The following SMURF1 variants were observed in gnomAD, a reference collection of about 807,000 sequenced individuals.
The protein encoded by SMURF1 is SMAD specific E3 ubiquitin protein ligase 1.
SMURF1 carries 44 observed loss-of-function variants against 98.0 expected under a neutral mutation model. The ratio of observed to expected loss-of-function variants is 0.45; its 90% CI spans 0.35 to 0.58. The LOEUF (loss-of-function observed/expected upper bound fraction) is 0.58. Ranked by LOEUF, SMURF1 falls within the 20% of genes least tolerant of loss-of-function variation. The pLI is 0.00. For missense variants in SMURF1, 687 were observed against 938.4 expected, an observed-to-expected ratio of 0.73 and a Z score of 3.50; for synonymous variants, 396 against 374.9, an observed-to-expected ratio of 1.06 and a Z score of -0.65.
chr7:99,143,842 CG>C lies in SMURF1; in HGVS notation c.-63del. 7.1e-7 allele frequency: 1 copy of C among 1,416,996 alleles called. No homozygotes were observed. The highest frequency in any genetic ancestry group is 9.3e-7 in the Non-Finnish European group (1 of 1,073,826). The allele number at this position is 1,416,996 out of a possible 1,614,324, so 87.8% of individuals were successfully genotyped here. On this transcript the variant is annotated 5_prime_UTR_variant, in exon 1 of 18. Transcript: ENST00000361368. ...CACCGCCCCCCAGCCCGGCCCGGCC[CG>C]GCCCCGCCGCCGCCGCCTCAAGGTT...
At chr7:99,086,143 C>T (rs1027934601) in intron 1 of SMURF1, among the ~76,000 whole-genome samples, 3 of 151,816 alleles carry the variant, frequency 2.0e-5, no homozygotes, top group Non-Finnish European at 2.9e-5. Flanking sequence ...GTTAGCAGTT[C>T]GAGACCAGCC....
intron 1 of SMURF1, among the ~76,000 whole-genome samples, chr7:99,143,461 C>A (rs1239879093): frequency 2.3e-5 from 3 of 132,528 alleles, no homozygotes; most frequent in African/African-American, 8.7e-5. Flanking sequence ...AGGGGCGGGG[C>A]CAGGACGGAG....
chr7:99,048,215 C>T (rs1006585676), intron 9 of SMURF1: 4 of 272,822 alleles, frequency 1.5e-5, no homozygotes, highest in African/African-American at 2.2e-5. Context: ...TGGTGAAACC[C>T]GGTCTCTACT....
rs1041452677 is a variant in SMURF1, at chr7:99,050,208, C to CA, written c.807-500dup. On this transcript the variant is annotated intron_variant, in intron 8 of 17. Coordinates refer to ENST00000361368, the MANE Select transcript of SMURF1 (RefSeq NM_181349.3). ...GGCAACAAGAGTGAAATTCCATCTC[C>CA]AAAAAAAAAAATAGGCAGTTTCAGA... The CA allele has an allele frequency of 3.0e-3, 439 of 143,984 alleles. 5 individuals are homozygous for CA. Among genetic ancestry groups the CA allele is most frequent in the East Asian group, 5.2e-3 (26 of 4,970 alleles). The allele number at this position is 143,984 out of a possible 1,614,324, so 8.9% of individuals were successfully genotyped here.
intron 8 of SMURF1, chr7:99,050,786 A>G: frequency 4.3e-6 from 3 of 692,146 alleles, no homozygotes; most frequent in Middle Eastern, 3.2e-4. Context: ...GAAACAAATC[A>G]TGAATAAAAA....
intron 17 of SMURF1, chr7:99,031,558 C>T (rs1794890499): frequency 6.6e-6 from 1 of 152,188 alleles, no homozygotes; most frequent in African/African-American, 2.4e-5. Context: ...TTTCCACATC[C>T]ATCTAACTCC....
intron 6 of SMURF1, 76 bp from the exon 7 acceptor site, chr7:99,052,522 C>G: frequency 1.5e-6 from 2 of 1,367,604 alleles, no homozygotes; most frequent in South Asian, 4.1e-5. Flanking sequence ...GGCTAGTGTC[C>G]TAGGGGACAC....
At chr7:99,056,944 G>GCA (rs1584465049) in intron 5 of SMURF1, among the ~76,000 whole-genome samples, 1 of 144,802 alleles carries the variant, frequency 6.9e-6, no homozygotes, top group East Asian at 2.1e-4. Context: ...CGGAGGTTGA[G>GCA]GTGAGCTGAG....
At chr7:99,092,331 G>A (rs117804905) in intron 1 of SMURF1, among the ~76,000 whole-genome samples, 4,828 of 152,064 alleles carry the variant, frequency 0.032, 91 homozygotes, top group Non-Finnish European at 0.049. Flanking sequence ...CTAGTCTTTC[G>A]AGTATGGCTG....
chr7:99,051,557 TA>T (rs2150526796), intron 7 of SMURF1, 116 bp from the exon 8 acceptor site: 1 of 793,734 alleles, frequency 1.3e-6, no homozygotes, highest in East Asian at 2.5e-5. Context: ...ACTCCCCTCT[TA>T]TCCCAGTTCT....
intron 2 of SMURF1, 27 bp from the exon 3 acceptor site, chr7:99,060,734 A>C (rs1394565968): frequency 1.2e-5 from 18 of 1,475,516 alleles, no homozygotes; most frequent in Non-Finnish European, 1.7e-5. Context: ...ACCCACACCT[A>C]GATGAGACCT....
chr7:99,125,150 C>G (rs1797718242), intron 1 of SMURF1, among the ~76,000 whole-genome samples: 1 of 152,198 alleles, frequency 6.6e-6, no homozygotes, highest in Non-Finnish European at 1.5e-5. Context: ...ACCATCATGG[C>G]TCACTGCAGC....
At chr7:99,035,162 G>C (rs1251724779) in intron 16 of SMURF1, among the ~76,000 whole-genome samples, 2 of 152,190 alleles carry the variant, frequency 1.3e-5, no homozygotes, top group Non-Finnish European at 2.9e-5. Context: ...ACTGAGACTG[G>C]GGGCGGTTCC....
intron 1 of SMURF1, among the ~76,000 whole-genome samples, chr7:99,104,752 T>C (rs1440493542): frequency 6.6e-6 from 1 of 152,222 alleles, no homozygotes. Context: ...TTTCTGCTAT[T>C]ATACAACAAG....
Position 99,098,790 on chromosome 7 carries a change from C to A in SMURF1, c.56-36953G>T, listed in dbSNP as rs116008781. On this transcript the variant is annotated intron_variant, in intron 1 of 17. Transcript: ENST00000361368. ...TCAGACACATGTTAGTGACTTTCGGCCCTCTGATCATCTTCCCTCCTCATT... is the reference window on the plus strand; with the variant it reads ...TCAGACACATGTTAGTGACTTTCGGACCTCTGATCATCTTCCCTCCTCATT... Among the ~76,000 whole-genome samples, 1,385 of 152,194 alleles carry A rather than the reference C, an allele frequency of 9.1e-3. 33 individuals carry two copies. Among genetic ancestry groups the A allele is most frequent in the African/African-American group, 0.031 (1,305 of 41,506 alleles).
rs533238831 is a variant in SMURF1 at position 99,121,954 on chromosome 7, C to T, written c.55+21772G>A. 5.3e-5 allele frequency among the ~76,000 whole-genome samples: 8 copies of T among 152,296 alleles called. No homozygotes were observed. In the East Asian group the frequency reaches 1.5e-3, roughly 29 times the overall value. Reference sequence around the variant, plus strand: ...TCCACTGCGCATCACCTTCACTGCGCCATCTTGGTAGCTGCTTGATATAGT... The same window carrying T: ...TCCACTGCGCATCACCTTCACTGCGTCATCTTGGTAGCTGCTTGATATAGT... On this transcript the variant is annotated intron_variant, in intron 1 of 17. Transcript: ENST00000361368.
At chr7:99,130,399 G>T (rs1381704093) in intron 1 of SMURF1, among the ~76,000 whole-genome samples, 3 of 152,216 alleles carry the variant, frequency 2.0e-5, no homozygotes, top group Non-Finnish European at 2.9e-5. Flanking sequence ...ATTGCAGTGA[G>T]CTAAGATCAC....
chr7:99,079,392 T>A (rs1211208026), intron 1 of SMURF1, among the ~76,000 whole-genome samples: 2 of 151,984 alleles, frequency 1.3e-5, no homozygotes, highest in East Asian at 3.9e-4. Context: ...CCTCCCCAGC[T>A]CCTCCCCACA....
intron 1 of SMURF1, among the ~76,000 whole-genome samples, chr7:99,063,263 A>AAGAT (rs1323337132): frequency 1.2e-4 from 1 of 8,226 alleles, no homozygotes; most frequent in Non-Finnish European, 3.2e-4. Flanking sequence ...ATATATATAT[A>AAGAT]TATATATATA....
Sources: gnomAD v4.1 joint callset for allele counts (sites outside exome capture counted in the v4.1 genomes callset) on GRCh38, gnomAD v4.1.1 for gene constraint, MANE v1.5 for transcripts, NCBI Gene and HGNC (gene_info 2026-07-23, HGNC 2026-07-21) for gene names.